The following COBLL1 variants were observed in gnomAD, a reference collection of about 807,000 sequenced individuals.
COBLL1 encodes cordon-bleu protein-like 1.
COBLL1 carries 50 observed loss-of-function variants against 94.8 expected under a neutral mutation model. That is an observed-to-expected ratio of 0.53 (90% CI 0.42 to 0.67). The LOEUF is 0.67. Ranked by LOEUF, COBLL1 falls within the 30% of genes least tolerant of loss-of-function variation. COBLL1 has a pLI of 0.00. For missense variants in COBLL1, 1,362 were observed against 1,348.7 expected (o/e 1.01, Z -0.15); for synonymous variants, 448 against 473.8 (o/e 0.95, Z 0.71).
At chr2:164,791,562 C>T (rs1683191899) in intron 2 of COBLL1, among the ~76,000 whole-genome samples, 1 of 152,250 alleles carries the variant, frequency 6.6e-6, no homozygotes, top group East Asian at 1.9e-4. Flanking sequence ...TGGGTAACCT[C>T]CATACCAACT....
intron 7 of COBLL1, 22 bp from the exon 8 acceptor site, chr2:164,705,127 T>C (rs1684517499): frequency 2.0e-6 from 3 of 1,488,548 alleles, no homozygotes; most frequent in Middle Eastern, 1.8e-4. Flanking sequence ...AATGACCAAA[T>C]AAAATCCTAC....
rs751773460 is a variant in COBLL1, at chr2:164,694,793, A to T, written c.2599T>A (p.Phe867Ile). The change falls in exon 12 of 14, where the codon TTT becomes ATT. Residue 867 changes from phenylalanine to isoleucine, a missense_variant. Transcript: ENST00000652658. ...ASNAQAKPSS[F>I]FLQMQKRVSG... The stretch of plus-strand genomic sequence containing the variant: ...ACTCTCTTCTGCATCTGCAAAAAAA[A>T]AGAGCTGGGTTTGGCCTGGGCATTT... 3.1e-6 allele frequency: 5 copies of T among 1,613,724 alleles called. 1 individual carries two copies. In the South Asian group the frequency reaches 5.5e-5, roughly 18 times the overall value.
intron 2 of COBLL1, chr2:164,772,096 T>G (rs1308344813): frequency 3.3e-5 from 5 of 151,982 alleles, no homozygotes; most frequent in African/African-American, 2.4e-5. Context: ...TCATCTAACC[T>G]CATGCCCTAC....
In COBLL1 at chr2:164,694,543, G is replaced by T. The variant is rs1026571533; in HGVS notation, c.2849C>A (p.Pro950His). Residue 950 changes from proline to histidine, a missense_variant, in exon 12 of 14, where the codon CCC (proline) becomes CAC (histidine). Coordinates refer to ENST00000652658, the MANE Select transcript of COBLL1 (RefSeq NM_001365672.2). Reference sequence around the variant, plus strand: ...AATTGTCACAGGTTTTGGAGCTATGGGAGGAGGGGAGGCTTCAGCAGGAGC... The same window carrying T: ...AATTGTCACAGGTTTTGGAGCTATGTGAGGAGGGGAGGCTTCAGCAGGAGC... ...GQAPAEASPP[P>H]IAPKPVTIPA... 4.3e-6 allele frequency: 7 copies of T among 1,613,924 alleles called. No homozygotes were observed. Among genetic ancestry groups the T allele is most frequent in the Admixed American group, 3.3e-5 (2 of 59,968 alleles).
chr2:164,817,352 G>T (rs1684809207), intron 2 of COBLL1, among the ~76,000 whole-genome samples: 1 of 118,026 alleles, frequency 8.5e-6, no homozygotes, highest in Non-Finnish European at 1.7e-5. Context: ...TGAGTGTAAT[G>T]GTATATATTA....
chr2:164,685,909 A>G lies in COBLL1; in HGVS notation c.*37T>C, dbSNP rs776119752. 1 of 1,267,544 alleles carries G rather than the reference A, an allele frequency of 7.9e-7. No homozygotes were observed. Among genetic ancestry groups the G allele is most frequent in the South Asian group, 1.2e-5 (1 of 81,258 alleles). 78.5% of individuals were successfully genotyped at this position (1,267,544 alleles called of 1,614,324 possible). A position where few individuals can be genotyped will look rare whatever the true frequency, so the allele number is the denominator to read the frequency against. On this transcript the variant is annotated 3_prime_UTR_variant, in exon 14 of 14. Transcript: ENST00000652658. ...TTCCATTAGTATGAAGTTGGTCTGAAGTGGAAGTGAAGTGCAGTGGTGTGG... is the reference window on the plus strand; with the variant it reads ...TTCCATTAGTATGAAGTTGGTCTGAGGTGGAAGTGAAGTGCAGTGGTGTGG...
chr2:164,713,008 TTGTTA>T (rs1320699989), intron 7 of COBLL1, among the ~76,000 whole-genome samples: 1 of 152,148 alleles, frequency 6.6e-6, no homozygotes, highest in African/African-American at 2.4e-5. Flanking sequence ...GCCAGTTTCT[TTGTTA>T]TATTATTGTG....
At chr2:164,821,597 C>T (rs1685171339) in intron 2 of COBLL1, among the ~76,000 whole-genome samples, 1 of 152,142 alleles carries the variant, frequency 6.6e-6, no homozygotes, top group African/African-American at 2.4e-5. Flanking sequence ...GTCTTACAGG[C>T]TCAGAGACAA....
chr2:164,697,904 G>C (rs1378360132), intron 11 of COBLL1: 2 of 152,004 alleles, frequency 1.3e-5, no homozygotes, highest in Non-Finnish European at 2.9e-5. Flanking sequence ...TTATACTATA[G>C]TGACCCTCTA....
chr2:164,689,716 T>A (rs1683492815), intron 13 of COBLL1, among the ~76,000 whole-genome samples: 1 of 152,114 alleles, frequency 6.6e-6, no homozygotes, highest in South Asian at 2.1e-4. Context: ...TCAGCATAGA[T>A]TTTAGCCTTA....
At chr2:164,730,902 A>C (rs1685975023) in intron 3 of COBLL1, among the ~76,000 whole-genome samples, 1 of 152,198 alleles carries the variant, frequency 6.6e-6, no homozygotes, top group Non-Finnish European at 1.5e-5. Context: ...GTGTAGTACA[A>C]ATTCTTTAAT....
At chr2:164,667,506 A>T (rs1691180680) in intron 1 of COBLL1, among the ~76,000 whole-genome samples, 1 of 152,210 alleles carries the variant, frequency 6.6e-6, no homozygotes. Context: ...TGTCTATGTT[A>T]AAAATCTGTT....
In COBLL1 at chr2:164,722,521, C is replaced by T. The variant is rs776356549; in HGVS notation, c.663G>A (p.Glu221=). The T allele has an allele frequency of 6.9e-7, 1 of 1,445,906 alleles. No homozygotes were observed. The highest frequency in any genetic ancestry group is 1.5e-5 in the South Asian group (1 of 68,604). 89.6% of individuals were successfully genotyped at this position (1,445,906 alleles called of 1,614,324 possible). The change falls in exon 6 of 14, where the codon GAG becomes GAA. Residue 221 remains glutamate (E), a splice_region_variant and synonymous_variant. Transcript: ENST00000652658. ...CTAGGTTTTGTGATATTTGGCAGGA[C>T]TCTAAAATAGAAGAAAAGCATCTTA... is the stretch of plus-strand genomic sequence containing the variant. The part of the protein sequence containing the change: ...RELYAMDVNR[E]SCQISQNLDI...
At chr2:164,727,852 C>T (rs1207377167) in intron 5 of COBLL1, 117 bp downstream of exon 5, 2 of 616,574 alleles carry the variant, frequency 3.2e-6, no homozygotes, top group African/African-American at 3.7e-5. Flanking sequence ...TTACTTTTAT[C>T]TATAGGACCC....
At chr2:164,747,706 C>T (rs1306977519) in intron 2 of COBLL1, among the ~76,000 whole-genome samples, 1 of 152,068 alleles carries the variant, frequency 6.6e-6, no homozygotes, top group African/African-American at 2.4e-5. Flanking sequence ...GAACTCCTGA[C>T]TTAAGCAATC....
chr2:164,747,619 G>A (rs1176526120), intron 2 of COBLL1, among the ~76,000 whole-genome samples: 13 of 152,012 alleles, frequency 8.6e-5, no homozygotes, highest in Admixed American at 8.5e-4. Context: ...GGGTAGCTGG[G>A]ACTACAGGCA....
intron 2 of COBLL1, among the ~76,000 whole-genome samples, chr2:164,765,197 A>T (rs1687871519): frequency 6.6e-6 from 1 of 152,188 alleles, no homozygotes; most frequent in Admixed American, 6.5e-5. Context: ...GCGCTTCATG[A>T]CACGTTGCAA....
At chr2:164,700,438 G>T in intron 10 of COBLL1, 84 bp downstream of exon 10, 14 of 829,124 alleles carry the variant, frequency 1.7e-5, no homozygotes, top group Non-Finnish European at 2.7e-5. Context: ...CTATATTTAT[G>T]TTTAAAATAT....
rs530110443 is a variant in COBLL1, at chr2:164,658,068, C to A, written n.182-4154G>T. ...GTGCTCTCAGGCAACAGGTGATTGG[C>A]TATTTCTTTACCTCCTGTTGTTGCC... On this transcript the variant is annotated intron_variant and non_coding_transcript_variant, in intron 2 of 2. Transcript: ENST00000495084. Among the ~76,000 whole-genome samples the A allele has an allele frequency of 7.2e-5, 11 of 152,262 alleles. No individual in the cohort carries two copies. In the South Asian group the frequency reaches 1.9e-3, roughly 26 times the overall value.
Sources: allele counts gnomAD v4.1 joint callset (sites outside exome capture counted in the v4.1 genomes callset), GRCh38; gene constraint gnomAD v4.1.1; transcripts MANE v1.5; gene names NCBI Gene and HGNC (gene_info 2026-07-23, HGNC 2026-07-21).